The following NDUFAF2 variants were observed in gnomAD, a reference collection of about 807,000 sequenced individuals.
NDUFAF2 encodes the protein NADH dehydrogenase [ubiquinone] 1 alpha subcomplex assembly factor 2.
NDUFAF2 carries 13 observed loss-of-function variants against 22.8 expected under a neutral mutation model. The ratio of observed to expected loss-of-function variants is 0.57; its 90% confidence interval spans 0.37 to 0.91. The LOEUF (loss-of-function observed/expected upper bound fraction) is 0.91, where lower values mean the gene tolerates loss of function less well. NDUFAF2 is among the 40% of genes least tolerant of loss of function. The pLI is 0.01. For synonymous variants in NDUFAF2, 53 were observed against 64.2 expected, an observed-to-expected ratio of 0.83 and a Z score of 0.84; for missense variants, 162 against 195.2, an observed-to-expected ratio of 0.83 and a Z score of 1.01.
chr5:61,023,222 A>AT (rs1264890767), intron 1 of NDUFAF2, among the ~76,000 whole-genome samples: 51 of 150,306 alleles, frequency 3.4e-4, no homozygotes, highest in Middle Eastern at 3.4e-3. Flanking sequence ...TTCTTAAGTG[A>AT]TTTTTTTTTA....
chr5:61,146,857 G>A (rs981641248), intron 3 of NDUFAF2, among the ~76,000 whole-genome samples: 1 of 152,072 alleles, frequency 6.6e-6, no homozygotes, highest in African/African-American at 2.4e-5. Flanking sequence ...TTCAGTTTAT[G>A]TATTTTCCAT....
intron 1 of NDUFAF2, among the ~76,000 whole-genome samples, chr5:61,040,286 A>ACTCACACACG (rs1491193758): frequency 1.1e-5 from 1 of 93,074 alleles, no homozygotes; most frequent in East Asian, 2.8e-4. Context: ...ACACACACAC[A>ACTCACACACG]CGCGCGCGCG....
At chr5:60,985,693 A>G (rs2112581948) in intron 1 of NDUFAF2, among the ~76,000 whole-genome samples, 1 of 152,266 alleles carries the variant, frequency 6.6e-6, no homozygotes, top group Non-Finnish European at 1.5e-5. Context: ...GTTTCCATGT[A>G]GTTGAGTGGT....
At chr5:60,953,139 A>G (rs1278873330) in intron 1 of NDUFAF2, among the ~76,000 whole-genome samples, 1 of 152,164 alleles carries the variant, frequency 6.6e-6, no homozygotes, top group Non-Finnish European at 1.5e-5. Context: ...TCCAAAAACA[A>G]AAAGTGTAGA....
At chr5:60,958,451 T>C (rs1292044582) in intron 1 of NDUFAF2, among the ~76,000 whole-genome samples, 3 of 152,198 alleles carry the variant, frequency 2.0e-5, no homozygotes, top group Admixed American at 2.0e-4. Context: ...CTTCCAATCT[T>C]TTTAGTGATA....
At chr5:61,033,496 T>C (rs1280891163) in intron 1 of NDUFAF2, among the ~76,000 whole-genome samples, 1 of 152,146 alleles carries the variant, frequency 6.6e-6, no homozygotes, top group Non-Finnish European at 1.5e-5. Context: ...TTTTGTGATA[T>C]AGATTTAATT....
At position 60,961,512 on chromosome 5, in the gene NDUFAF2, G is replaced by A. The variant is rs797020722; in HGVS notation, c.127+16130G>A. 7.3e-5 allele frequency among the ~76,000 whole-genome samples: 11 copies of A among 150,742 alleles called. No individual in the cohort carries two copies. In the East Asian group the frequency reaches 1.6e-3, roughly 22 times the overall value. ...CCGGAGGCTGAGGCAGGAGAATGGC[G>A]TGAACACGGGAGGCGGAACTTGCAG... On this transcript the variant is annotated intron_variant, in intron 1 of 3. Coordinates refer to ENST00000296597, the MANE Select transcript of NDUFAF2 (RefSeq NM_174889.5).
intron 3 of NDUFAF2, among the ~76,000 whole-genome samples, chr5:61,138,066 G>C (rs1740990351): frequency 6.6e-6 from 1 of 152,196 alleles, no homozygotes; most frequent in Non-Finnish European, 1.5e-5. Context: ...GCTGCAGACT[G>C]TCTGCTCACA....
At chr5:60,994,939 C>G (rs748325569) in intron 1 of NDUFAF2, among the ~76,000 whole-genome samples, 1 of 152,008 alleles carries the variant, frequency 6.6e-6, no homozygotes, top group South Asian at 2.1e-4. Context: ...ACTTCAAGCT[C>G]ACTGATTCTT....
chr5:61,020,084 A>G (rs535211692), intron 1 of NDUFAF2, among the ~76,000 whole-genome samples: 222 of 152,244 alleles, frequency 1.5e-3, no homozygotes, highest in African/African-American at 5.1e-3. Flanking sequence ...TAAGTTTTCA[A>G]GTTTATTTGT....
intron 3 of NDUFAF2, among the ~76,000 whole-genome samples, chr5:61,105,084 G>A (rs991192285): frequency 6.6e-6 from 1 of 151,504 alleles, no homozygotes; most frequent in Admixed American, 6.6e-5. Flanking sequence ...TTTGCTTCTC[G>A]GTTCTGGTTG....
intron 2 of NDUFAF2, among the ~76,000 whole-genome samples, chr5:61,093,649 A>G (rs1752599877): frequency 6.6e-6 from 1 of 152,200 alleles, no homozygotes; most frequent in African/African-American, 2.4e-5. Context: ...GTGCTACTGT[A>G]TTCAGGTTGC....
intron 3 of NDUFAF2, among the ~76,000 whole-genome samples, chr5:61,136,035 A>ATATATATATATATG (rs1554018957): frequency 1.1e-5 from 1 of 89,804 alleles, no homozygotes; most frequent in African/African-American, 4.0e-5. Flanking sequence ...ATATATATAT[A>ATATATATATATATG]TATATATCTA....
At chr5:60,965,610 A>C (rs1750749430) in intron 1 of NDUFAF2, among the ~76,000 whole-genome samples, 1 of 152,148 alleles carries the variant, frequency 6.6e-6, no homozygotes, top group Non-Finnish European at 1.5e-5. Context: ...AAGTGAAATC[A>C]TGTGGTATAT....
intron 1 of NDUFAF2, among the ~76,000 whole-genome samples, chr5:61,024,513 T>A (rs1751626336): frequency 6.6e-6 from 1 of 152,092 alleles, no homozygotes; most frequent in South Asian, 2.1e-4. Flanking sequence ...CAAATAATTA[T>A]AAGACACGTC....
intron 1 of NDUFAF2, among the ~76,000 whole-genome samples, chr5:61,059,133 G>A (rs1752133727): frequency 6.6e-6 from 1 of 151,994 alleles, no homozygotes; most frequent in East Asian, 1.9e-4. Flanking sequence ...AGACTTACAT[G>A]TTTGATTTGG....
intron 1 of NDUFAF2, among the ~76,000 whole-genome samples, chr5:60,986,773 A>G (rs908273662): frequency 3.3e-5 from 5 of 152,174 alleles, no homozygotes; most frequent in African/African-American, 1.2e-4. Flanking sequence ...TACTAAAAAA[A>G]TACAAAAAAT....
chr5:60,965,000 T>A (rs1337267002), intron 1 of NDUFAF2, among the ~76,000 whole-genome samples: 1 of 152,148 alleles, frequency 6.6e-6, no homozygotes, highest in South Asian at 2.1e-4. Flanking sequence ...TTGCTATGTC[T>A]GAGAATAGTT....
At chr5:60,968,168 T>A (rs1257485965) in intron 1 of NDUFAF2, among the ~76,000 whole-genome samples, 1 of 151,952 alleles carries the variant, frequency 6.6e-6, no homozygotes, top group Admixed American at 6.6e-5. Context: ...TGTGTTTCTT[T>A]CTGTAGTATC....
Sources: gnomAD v4.1 joint callset for allele counts (sites outside exome capture counted in the v4.1 genomes callset) on GRCh38, gnomAD v4.1.1 for gene constraint, MANE v1.5 for transcripts, NCBI Gene and HGNC (gene_info 2026-07-23, HGNC 2026-07-21) for gene names.